The following TRAF2 variants were observed in gnomAD, a reference collection of about 807,000 sequenced individuals.
TRAF2 encodes the protein TNF receptor associated factor 2.
Under a neutral mutation model 55.6 loss-of-function variants are expected in TRAF2, and 6 were observed. The observed-to-expected ratio is 0.11, with a 90% CI of 0.06 to 0.21. The LOEUF (loss-of-function observed/expected upper bound fraction) is 0.21. Among genes scored for constraint, TRAF2 ranks in the 10% least tolerant of loss-of-function variants. The probability of loss-of-function intolerance (pLI) is 1.00; values close to 1 mark genes in which losing one functional copy is unlikely to be tolerated. For synonymous variants in TRAF2, 329 were observed against 276.3 expected (o/e 1.19, Z -1.89); for missense variants, 561 against 684.5 (o/e 0.82, Z 2.01).
intron 2 of TRAF2, 34 bp from the exon 3 acceptor site, chr9:136,899,560 C>G: frequency 6.3e-7 from 1 of 1,591,482 alleles, no homozygotes; most frequent in Non-Finnish European, 8.6e-7. Context: ...TTAGGTTTCA[C>G]AGTGGGTTGT....
intron 9 of TRAF2, among the ~76,000 whole-genome samples, chr9:136,923,610 C>CAAAAAAAAA (rs55666712): frequency 3.0e-5 from 2 of 67,748 alleles, no homozygotes; most frequent in Non-Finnish European, 5.1e-5. Context: ...GACTCCATCT[C>CAAAAAAAAA]AAAAAAAAAA....
chr9:136,915,873 C>T (rs1318808316), intron 6 of TRAF2, among the ~76,000 whole-genome samples: 3 of 152,164 alleles, frequency 2.0e-5, no homozygotes, highest in Admixed American at 6.6e-5. Flanking sequence ...CGGCCGTTTC[C>T]CTCCTTCCGG....
chr9:136,899,528 C>A, intron 2 of TRAF2, 66 bp from the exon 3 acceptor site: 1 of 1,493,260 alleles, frequency 6.7e-7, no homozygotes, highest in Non-Finnish European at 9.2e-7. Flanking sequence ...TGAACTGAAG[C>A]AAATGGTGTT....
At chr9:136,894,668 T>C (rs1015828268) in intron 1 of TRAF2, among the ~76,000 whole-genome samples, 7 of 152,068 alleles carry the variant, frequency 4.6e-5, no homozygotes, top group Admixed American at 2.6e-4. Flanking sequence ...GCCCAGGATG[T>C]TCCTAGGGAG....
intron 8 of TRAF2, 145 bp downstream of exon 8, chr9:136,920,660 TAGGGGAG>T: frequency 8.4e-7 from 1 of 1,194,140 alleles, no homozygotes; most frequent in Non-Finnish European, 1.1e-6. Flanking sequence ...CAGTGTGGTT[TAGGGGAG>T]GCTCTGGCCC....
rs1290082769 is a variant in TRAF2 at position 136,886,638 on chromosome 9, A to G, written c.-29+97A>G. 54 of 677,822 alleles carry G rather than the reference A, an allele frequency of 8.0e-5. No homozygotes were observed. The Admixed American group carries it at 3.1e-3, about 39-fold the overall frequency. The allele number at this position is 677,822 out of a possible 1,614,324, so 42.0% of individuals were successfully genotyped here. ...TCGGGCGCAGGCGCGGGCACCTCTCAGGGAGACTCCGGGCCGGAGCGGGAG... is the reference window on the plus strand; with the variant it reads ...TCGGGCGCAGGCGCGGGCACCTCTCGGGGAGACTCCGGGCCGGAGCGGGAG... On this transcript the variant is annotated intron_variant, in intron 1 of 10. Transcript: ENST00000247668.
rs1412086389 is a variant in TRAF2 at position 136,925,924 on chromosome 9, G to T, written c.*23G>T. 1 of 1,613,024 alleles carries T rather than the reference G, an allele frequency of 6.2e-7. No individual in the cohort carries two copies. Among genetic ancestry groups the T allele is most frequent in the South Asian group, 1.1e-5 (1 of 91,050 alleles). ...TAACTGCCCCCTACTGGTGTCTGGG[G>T]GTTGGGGGCAGCCAGGCACAGCCGG... On this transcript the variant is annotated 3_prime_UTR_variant, in exon 11 of 11. Transcript: ENST00000247668.
chr9:136,921,487 C>T (rs567968899), intron 9 of TRAF2, among the ~76,000 whole-genome samples: 65 of 152,244 alleles, frequency 4.3e-4, no homozygotes, highest in Non-Finnish European at 7.2e-4. Context: ...TCGTCACCCA[C>T]AGCCTGGTCC....
upstream of TRAF2, among the ~76,000 whole-genome samples, chr9:136,884,736 T>G (rs1428684462): frequency 6.6e-6 from 1 of 152,216 alleles, no homozygotes; most frequent in African/African-American, 2.4e-5. Context: ...TTTTTTTCCT[T>G]TTTTTGGTAG....
chr9:136,905,003 T>C (rs1373603852), intron 4 of TRAF2, among the ~76,000 whole-genome samples: 1 of 152,200 alleles, frequency 6.6e-6, no homozygotes, highest in Non-Finnish European at 1.5e-5. Flanking sequence ...GTAGTTGCTG[T>C]GCCTGTGTGA....
At chr9:136,925,655 G>A in intron 10 of TRAF2, 28 bp from the exon 11 acceptor site, 1 of 1,610,582 alleles carries the variant, frequency 6.2e-7, no homozygotes, top group Non-Finnish European at 8.5e-7. Flanking sequence ...ACAGACCTGT[G>A]TCCCCTCCCT....
intron 6 of TRAF2, among the ~76,000 whole-genome samples, chr9:136,911,711 G>A (rs199727937): frequency 2.6e-5 from 4 of 152,134 alleles, no homozygotes; most frequent in Non-Finnish European, 4.4e-5. Context: ...AATGCAGGCC[G>A]ACATATAGGG....
intron 5 of TRAF2, among the ~76,000 whole-genome samples, 193 bp from the exon 6 acceptor site, chr9:136,909,727 C>T (rs1850055743): frequency 6.6e-6 from 1 of 152,222 alleles, no homozygotes. Flanking sequence ...ACAAACAAAG[C>T]GTTAAGATCT....
intron 6 of TRAF2, among the ~76,000 whole-genome samples, chr9:136,914,114 TG>T (rs1169629540): frequency 6.6e-6 from 1 of 152,184 alleles, no homozygotes; most frequent in Non-Finnish European, 1.5e-5. Flanking sequence ...TAGTGTTTCC[TG>T]GGGGCCTGGG....
chr9:136,918,998 G>A (rs1850315095), intron 7 of TRAF2, among the ~76,000 whole-genome samples: 1 of 151,258 alleles, frequency 6.6e-6, no homozygotes, highest in Admixed American at 6.6e-5. Flanking sequence ...GCCTCCCAAA[G>A]TACTGGGATT....
At chr9:136,913,332 C>T (rs1850166646) in intron 6 of TRAF2, among the ~76,000 whole-genome samples, 1 of 115,288 alleles carries the variant, frequency 8.7e-6, no homozygotes, top group South Asian at 3.1e-4. Context: ...TGGAGTCTCT[C>T]TGCCGCCCAG....
intron 1 of TRAF2, among the ~76,000 whole-genome samples, chr9:136,897,465 A>G (rs1397343045): frequency 6.6e-6 from 1 of 151,930 alleles, no homozygotes; most frequent in Admixed American, 6.5e-5. Flanking sequence ...AACCCGTGGT[A>G]GCTAAAGGGA....
intron 1 of TRAF2, among the ~76,000 whole-genome samples, chr9:136,894,119 T>G (rs1849634939): frequency 7.0e-6 from 1 of 142,476 alleles, no homozygotes; most frequent in South Asian, 2.3e-4. Context: ...TGATCTCAGC[T>G]CACTGCAACC....
chr9:136,923,327 C>T (rs1257731913), intron 9 of TRAF2, among the ~76,000 whole-genome samples: 1 of 152,076 alleles, frequency 6.6e-6, no homozygotes, highest in Non-Finnish European at 1.5e-5. Flanking sequence ...AATGCTTTTT[C>T]TGGCTGGGCA....
Sources: allele counts gnomAD v4.1 joint callset (sites outside exome capture counted in the v4.1 genomes callset), GRCh38; gene constraint gnomAD v4.1.1; transcripts MANE v1.5; gene names NCBI Gene and HGNC (gene_info 2026-07-23, HGNC 2026-07-21).